The following SYT14 variants were observed in gnomAD, a reference collection of about 807,000 sequenced individuals.
SYT14 encodes synaptotagmin-14.
A neutral mutation model predicts 74.2 loss-of-function variants in SYT14; 32 were observed. That is an observed-to-expected ratio of 0.43 (90% CI 0.33 to 0.58). The LOEUF is 0.58. Ranked by LOEUF, SYT14 falls within the 20% of genes least tolerant of loss-of-function variation. The probability of loss-of-function intolerance (pLI) is 0.05; values close to 1 mark genes in which losing one functional copy is unlikely to be tolerated. For missense variants in SYT14, 791 were observed against 981.8 expected (o/e 0.81, Z 2.60); for synonymous variants, 298 against 337.7 (o/e 0.88, Z 1.29).
At chr1:210,107,339 A>G (rs892808414) in intron 7 of SYT14, among the ~76,000 whole-genome samples, 1 of 152,182 alleles carries the variant, frequency 6.6e-6, no homozygotes, top group African/African-American at 2.4e-5. Context: ...ACAATTGTCA[A>G]CTACAATTCA....
chr1:210,023,061 T>C (rs934680804), intron 5 of SYT14, among the ~76,000 whole-genome samples: 24 of 152,196 alleles, frequency 1.6e-4, no homozygotes, highest in South Asian at 1.0e-3. Context: ...ATTTAGGACC[T>C]ATCCTGTACT....
Position 210,080,663 on chromosome 1 carries a change from A to G in SYT14, c.1313-13659A>G, listed in dbSNP as rs534427678. Among the ~76,000 whole-genome samples the G allele has an allele frequency of 2.6e-5, 4 of 152,366 alleles. No individual in the cohort carries two copies. The South Asian group carries it at 8.3e-4, about 32-fold the overall frequency. Reference sequence around the variant, plus strand: ...AAGCAAGTTGCTGGGCACTGCAGGTACAAAGATAAGAGACAGTTTCTGCTC... The same window carrying G: ...AAGCAAGTTGCTGGGCACTGCAGGTGCAAAGATAAGAGACAGTTTCTGCTC... On this transcript the variant is annotated intron_variant, in intron 5 of 9. Coordinates refer to ENST00000637265, the Ensembl canonical transcript of SYT14.
intron 8 of SYT14, among the ~76,000 whole-genome samples, chr1:210,156,683 CTTTTTTT>C (rs71146208): frequency 1.3e-4 from 7 of 55,996 alleles, no homozygotes; most frequent in Admixed American, 2.6e-4. Context: ...GTGGCAGCTT[CTTTTTTT>C]TTTTTTTTTT....
At chr1:210,124,238 A>G (rs1404589729) in intron 7 of SYT14, among the ~76,000 whole-genome samples, 1 of 147,830 alleles carries the variant, frequency 6.8e-6, no homozygotes, top group Non-Finnish European at 1.5e-5. Context: ...ATTAGAAGAC[A>G]GAAATGAAAA....
intron 5 of SYT14, among the ~76,000 whole-genome samples, chr1:210,033,815 T>A (rs1382494812): frequency 6.6e-6 from 1 of 151,830 alleles, no homozygotes; most frequent in Non-Finnish European, 1.5e-5. Context: ...TTGGTAACTT[T>A]GGAAATGCTT....
At chr1:209,960,646 C>T (rs2079062600) in intron 2 of SYT14, among the ~76,000 whole-genome samples, 4 of 152,078 alleles carry the variant, frequency 2.6e-5, no homozygotes, top group African/African-American at 9.7e-5. Flanking sequence ...CATCACTAGT[C>T]TAGGTAGCCT....
chr1:210,034,582 A>G (rs997297443), intron 5 of SYT14, among the ~76,000 whole-genome samples: 5 of 151,098 alleles, frequency 3.3e-5, no homozygotes, highest in Non-Finnish European at 5.9e-5. Flanking sequence ...CTCATCCCTC[A>G]CCCACCCACT....
intron 2 of SYT14, among the ~76,000 whole-genome samples, chr1:209,971,709 C>T (rs2079259913): frequency 6.6e-6 from 1 of 152,130 alleles, no homozygotes; most frequent in Non-Finnish European, 1.5e-5. Context: ...GTATGTTGGG[C>T]CAACCTTGCA....
At chr1:210,006,685 A>G (rs1042617783) in intron 2 of SYT14, among the ~76,000 whole-genome samples, 26 of 151,958 alleles carry the variant, frequency 1.7e-4, no homozygotes, top group African/African-American at 5.8e-4. Flanking sequence ...TTTTTAAAAA[A>G]ATAATTAGAT....
chr1:210,137,165 C>G (rs2082804273), intron 7 of SYT14, among the ~76,000 whole-genome samples: 1 of 152,086 alleles, frequency 6.6e-6, no homozygotes, highest in African/African-American at 2.4e-5. Flanking sequence ...TGTATCAATC[C>G]CCTCTGAAGG....
intron 7 of SYT14, among the ~76,000 whole-genome samples, chr1:210,117,162 A>G (rs1477713820): frequency 6.6e-6 from 1 of 152,098 alleles, no homozygotes; most frequent in Non-Finnish European, 1.5e-5. Flanking sequence ...TGTAATTTCA[A>G]CCTTTAATTT....
At chr1:210,047,149 A>G (rs2080900220) in intron 5 of SYT14, among the ~76,000 whole-genome samples, 1 of 152,120 alleles carries the variant, frequency 6.6e-6, no homozygotes, top group East Asian at 1.9e-4. Flanking sequence ...ACCGGAATTT[A>G]AGTAAATATT....
At chr1:210,069,611 T>C (rs985398739) in intron 5 of SYT14, among the ~76,000 whole-genome samples, 5 of 151,844 alleles carry the variant, frequency 3.3e-5, no homozygotes, top group African/African-American at 1.2e-4. Context: ...TACACAGCTT[T>C]TAAAAATTGG....
chr1:210,139,651 A>T (rs1316949472), intron 7 of SYT14, among the ~76,000 whole-genome samples: 1 of 151,970 alleles, frequency 6.6e-6, no homozygotes. Flanking sequence ...TAGCAATTAC[A>T]CCTCCTGGCA....
At chr1:209,947,536 C>G (rs1403672458) in intron 1 of SYT14, among the ~76,000 whole-genome samples, 2 of 152,178 alleles carry the variant, frequency 1.3e-5, no homozygotes, top group African/African-American at 4.8e-5. Flanking sequence ...GAATATGTGA[C>G]TACATTGCTG....
At chr1:210,087,970 A>G (rs919792432) in intron 5 of SYT14, among the ~76,000 whole-genome samples, 1 of 152,208 alleles carries the variant, frequency 6.6e-6, no homozygotes, top group Admixed American at 6.5e-5. Flanking sequence ...GGGATTTGAA[A>G]TGATGTCCTC....
At chr1:209,980,667 G>T (rs1252207118) in intron 2 of SYT14, among the ~76,000 whole-genome samples, 1 of 152,084 alleles carries the variant, frequency 6.6e-6, no homozygotes, top group Admixed American at 6.6e-5. Flanking sequence ...TCTGCATATG[G>T]CTAGCCAGTT....
intron 2 of SYT14, among the ~76,000 whole-genome samples, chr1:209,956,638 A>G (rs1382330546): frequency 6.6e-6 from 1 of 152,178 alleles, no homozygotes; most frequent in African/African-American, 2.4e-5. Context: ...AGTGAGCCCA[A>G]GAAGTACAGC....
exon 10 of SYT14, chr1:210,169,507 C>CT (rs1219637416): frequency 6.6e-6 from 1 of 151,616 alleles, no homozygotes. Context: ...ATAAATATTA[C>CT]TTTAAGTTTA....
Sources: allele counts gnomAD v4.1 joint callset (sites outside exome capture counted in the v4.1 genomes callset), GRCh38; gene constraint gnomAD v4.1.1; transcripts MANE v1.5; gene names NCBI Gene and HGNC (gene_info 2026-07-23, HGNC 2026-07-21).